The following KBTBD2 variants were observed in gnomAD, a reference collection of about 807,000 sequenced individuals.
The protein encoded by KBTBD2 is kelch repeat and BTB domain containing 2, also known as kelch repeat and BTB domain-containing protein 2.
KBTBD2 carries 17 observed loss-of-function variants against 57.1 expected under a neutral mutation model. The ratio of observed to expected loss-of-function variants is 0.30; its 90% CI spans 0.20 to 0.45. The LOEUF is 0.45. KBTBD2 is among the 20% of genes least tolerant of loss of function. The probability of loss-of-function intolerance (pLI) is 1.00; values close to 1 mark genes in which losing one functional copy is unlikely to be tolerated. For missense variants in KBTBD2, 515 were observed against 750.6 expected, an observed-to-expected ratio of 0.69 and a Z score of 3.67; for synonymous variants, 267 against 262.7, an observed-to-expected ratio of 1.02 and a Z score of -0.16.
At chr7:32,890,987 G>A (rs1784719458) in intron 1 of KBTBD2, 1 of 152,162 alleles carries the variant, frequency 6.6e-6, no homozygotes, top group East Asian at 1.9e-4. Context: ...ACAATTTTCC[G>A]TTTCAAAGGG....
intron 1 of KBTBD2, among the ~76,000 whole-genome samples, chr7:32,884,317 G>A (rs914320896): frequency 4.6e-5 from 7 of 151,426 alleles, no homozygotes; most frequent in African/African-American, 1.7e-4. Flanking sequence ...GTTCAAGGCT[G>A]CAGTGAGCTA....
rs1583768699 is a variant in KBTBD2 at position 32,869,236 on chromosome 7, CAA to C, written c.*107_*108del. The C allele has an allele frequency of 4.0e-6, 3 of 745,612 alleles. No individual in the cohort carries two copies. The highest frequency in any genetic ancestry group is 4.3e-6 in the Non-Finnish European group (2 of 465,594). 46.2% of individuals were successfully genotyped at this position (745,612 alleles called of 1,614,324 possible). Reference sequence around the variant, plus strand: ...AGTAGGGCATAAAAATAAAATTTATCAAAGATAGAATTTTATGTACTCATATT... The same window carrying C: ...AGTAGGGCATAAAAATAAAATTTATCAGATAGAATTTTATGTACTCATATT... On this transcript the variant is annotated 3_prime_UTR_variant, in exon 4 of 4. Coordinates refer to ENST00000304056, the MANE Select transcript of KBTBD2 (RefSeq NM_015483.3).
intron 1 of KBTBD2, among the ~76,000 whole-genome samples, chr7:32,883,919 G>C (rs1294772808): frequency 6.6e-6 from 1 of 152,186 alleles, no homozygotes; most frequent in East Asian, 1.9e-4. Context: ...AGCTATTCTA[G>C]ACAAACTTAA....
Position 32,885,575 on chromosome 7 carries a change from CCT to C in KBTBD2, c.-338-5635_-338-5634del, listed in dbSNP as rs1784558433. Among the ~76,000 whole-genome samples, 5 of 151,796 alleles carry C rather than the reference CCT, an allele frequency of 3.3e-5. No homozygotes were observed. In the South Asian group the frequency reaches 1.0e-3, roughly 32 times the overall value. On this transcript the variant is annotated intron_variant, in intron 1 of 3. Coordinates refer to ENST00000304056, the MANE Select transcript of KBTBD2 (RefSeq NM_015483.3). ...AACACTTAAATTACTTTGGGAAATC[CCT>C]GTTATAAGCCACAATTCCTGGTATC...
At chr7:32,889,325 G>A (rs900666280) in intron 1 of KBTBD2, among the ~76,000 whole-genome samples, 22 of 151,358 alleles carry the variant, frequency 1.5e-4, no homozygotes, top group African/African-American at 4.9e-4. Flanking sequence ...GAGATCGGCC[G>A]TCTGCGGTAG....
At chr7:32,878,846 T>C (rs371155712) in intron 2 of KBTBD2, among the ~76,000 whole-genome samples, 23 of 152,350 alleles carry the variant, frequency 1.5e-4, no homozygotes, top group African/African-American at 5.3e-4. Context: ...TTAAGCTTTA[T>C]GTATTTGTTA....
At chr7:32,887,320 C>T (rs965442398) in intron 1 of KBTBD2, among the ~76,000 whole-genome samples, 7 of 152,174 alleles carry the variant, frequency 4.6e-5, no homozygotes, top group African/African-American at 1.7e-4. Context: ...TGATCTGTTA[C>T]ACAGCATGTT....
At chr7:32,884,561 G>C (rs1021474893) in intron 1 of KBTBD2, among the ~76,000 whole-genome samples, 2 of 151,200 alleles carry the variant, frequency 1.3e-5, no homozygotes, top group Non-Finnish European at 2.9e-5. Context: ...GTGATGGTGC[G>C]TGCCTGTAAT....
intron 1 of KBTBD2, among the ~76,000 whole-genome samples, chr7:32,882,607 G>A (rs933926188): frequency 9.9e-5 from 15 of 152,162 alleles, no homozygotes; most frequent in Non-Finnish European, 1.8e-4. Context: ...TGGAGAGGCA[G>A]CCTACGTAAA....
rs141750345 is a variant in KBTBD2 at position 32,870,241 on chromosome 7, G to C, written c.976C>G (p.Pro326Ala). Residue 326 changes from proline to alanine, a missense_variant, in exon 4 of 4, where the codon CCT becomes GCT. Physicochemically the swap from Pro to Ala is conservative, Grantham distance 27. Transcript: ENST00000304056. ...NDIYIAGGQV[P>A]LKNTKTNHSK... ...TGATTTGTTTTTGTGTTTTTCAGAG[G>C]AACTTGACCCCCTGCTATGTAGATA... The C allele has an allele frequency of 2.5e-6, 4 of 1,614,062 alleles. No individual in the cohort carries two copies. Among genetic ancestry groups the C allele is most frequent in the Non-Finnish European group, 3.4e-6 (4 of 1,180,014 alleles).
At chr7:32,882,857 G>A (rs957549314) in intron 1 of KBTBD2, among the ~76,000 whole-genome samples, 5 of 151,866 alleles carry the variant, frequency 3.3e-5, no homozygotes, top group African/African-American at 7.3e-5. Context: ...ATGGTAGCAC[G>A]TGCTGTAATC....
chr7:32,891,342 G>T (rs1187727598), intron 1 of KBTBD2, among the ~76,000 whole-genome samples, 194 bp downstream of exon 1: 1 of 148,378 alleles, frequency 6.7e-6, no homozygotes, highest in Non-Finnish European at 1.5e-5. Context: ...GGGTGCGGAG[G>T]GCGGCGCCGG....
Position 32,869,171 on chromosome 7 carries a change from G to T in KBTBD2, c.*174C>A, listed in dbSNP as rs560208941. 2 of 536,160 alleles carry T rather than the reference G, an allele frequency of 3.7e-6. No individual in the cohort carries two copies. Among genetic ancestry groups the T allele is most frequent in the East Asian group, 6.0e-5 (2 of 33,234 alleles). The allele number at this position is 536,160 out of a possible 1,614,324, so 33.2% of individuals were successfully genotyped here. The stretch of plus-strand genomic sequence containing the variant: ...TCATATTATGGAAGCATATCTTTCT[G>T]TAAGACTCACTGATATATATTATAC... On this transcript the variant is annotated 3_prime_UTR_variant, in exon 4 of 4. Coordinates refer to ENST00000304056, the MANE Select transcript of KBTBD2 (RefSeq NM_015483.3).
At chr7:32,888,262 A>C (rs1332319757) in intron 1 of KBTBD2, among the ~76,000 whole-genome samples, 1 of 152,154 alleles carries the variant, frequency 6.6e-6, no homozygotes, top group Non-Finnish European at 1.5e-5. Flanking sequence ...ATAATGAAAC[A>C]AACTAGTGCT....
chr7:32,869,103 T>A lies in KBTBD2; in HGVS notation c.*242A>T. On this transcript the variant is annotated 3_prime_UTR_variant, in exon 4 of 4. Coordinates refer to ENST00000304056, the MANE Select transcript of KBTBD2 (RefSeq NM_015483.3). Reference sequence around the variant, plus strand: ...TTAGATAATCCAGATTCTTATACTCTCATGATTACACATAAAGTTTCTCAA... The same window carrying A: ...TTAGATAATCCAGATTCTTATACTCACATGATTACACATAAAGTTTCTCAA... 2.4e-6 allele frequency: 1 copy of A among 411,010 alleles called. No individual in the cohort carries two copies. Among genetic ancestry groups the A allele is most frequent in the South Asian group, 3.7e-5 (1 of 26,958 alleles). 25.5% of individuals were successfully genotyped at this position (411,010 alleles called of 1,614,324 possible).
At chr7:32,891,129 T>C (rs953282199) in intron 1 of KBTBD2, 10 of 152,136 alleles carry the variant, frequency 6.6e-5, no homozygotes, top group Non-Finnish European at 1.3e-4. Flanking sequence ...CGGCCCACCA[T>C]GTCGCGAACA....
intron 1 of KBTBD2, among the ~76,000 whole-genome samples, chr7:32,885,749 A>T (rs1266436319): frequency 6.6e-6 from 1 of 152,178 alleles, no homozygotes; most frequent in Non-Finnish European, 1.5e-5. Flanking sequence ...AATAAAGTGC[A>T]ATGTACTTTG....
In KBTBD2 at chr7:32,875,035, T is replaced by C; in HGVS notation, c.293A>G (p.Asp98Gly). ...TTCATAAAGCTGTTCTACAGTGCTG[T>C]CATTCATTGCCAAGTTACCCGTGTA... ...YAYTGNLAMN[D>G]STVEQLYETA... Residue 98 changes from aspartate (D) to glycine (G), a missense_variant, in exon 3 of 4, where the codon GAC becomes GGC. Asp to Gly is a moderately conservative substitution (Grantham distance 94). Transcript: ENST00000304056. The C allele has an allele frequency of 6.2e-7, 1 of 1,614,184 alleles. No individual in the cohort carries two copies. The highest frequency in any genetic ancestry group is 8.5e-7 in the Non-Finnish European group (1 of 1,179,996).
chr7:32,881,722 T>C (rs937508496), intron 1 of KBTBD2, among the ~76,000 whole-genome samples: 3 of 152,158 alleles, frequency 2.0e-5, no homozygotes, highest in African/African-American at 4.8e-5. Flanking sequence ...CTAAGGCAAA[T>C]AATACTTAAA....
Sources: allele counts gnomAD v4.1 joint callset (sites outside exome capture counted in the v4.1 genomes callset), GRCh38; gene constraint gnomAD v4.1.1; transcripts MANE v1.5; gene names NCBI Gene and HGNC (gene_info 2026-07-23, HGNC 2026-07-21).